Variants in AFAP1 observed in about 807,000 individuals in gnomAD.
AFAP1 encodes the protein actin filament associated protein 1.
AFAP1 carries 75 observed loss-of-function variants against 93.9 expected under a neutral mutation model. That is an observed-to-expected ratio of 0.80 (90% CI 0.66 to 0.97). The LOEUF is 0.97. Among genes scored for constraint, AFAP1 ranks in the 50% least tolerant of loss-of-function variants. AFAP1 has a pLI of 0.00. For missense variants in AFAP1, 1,201 were observed against 1,050.8 expected (o/e 1.14, Z -1.98); for synonymous variants, 517 against 430.7 (o/e 1.20, Z -2.48).
chr4:7,779,335 A>C (rs536798106), intron 13 of AFAP1: 2 of 157,878 alleles, frequency 1.3e-5, no homozygotes, highest in African/African-American at 4.8e-5. Context: ...TCCTACTGGG[A>C]TAAGTGACCG....
intron 9 of AFAP1, among the ~76,000 whole-genome samples, chr4:7,806,233 C>T (rs537674488): frequency 3.3e-5 from 5 of 152,322 alleles, no homozygotes; most frequent in Admixed American, 6.5e-5. Context: ...CAGGGTTAGG[C>T]GGGCGGACCT....
intron 1 of AFAP1, among the ~76,000 whole-genome samples, chr4:7,920,746 G>C (rs951831934): frequency 6.6e-6 from 1 of 152,270 alleles, no homozygotes; most frequent in African/African-American, 2.4e-5. Context: ...TGAAAGGTCT[G>C]AAAAGTCGAA....
chr4:7,876,806 T>C (rs1488164129), intron 1 of AFAP1, among the ~76,000 whole-genome samples: 1 of 152,202 alleles, frequency 6.6e-6, no homozygotes, highest in East Asian at 1.9e-4. Context: ...CAAAAGATTC[T>C]CAAAACACAG....
intron 1 of AFAP1, among the ~76,000 whole-genome samples, chr4:7,930,629 C>CAAGAGCTT (rs1721014672): frequency 6.6e-6 from 1 of 152,174 alleles, no homozygotes; most frequent in African/African-American, 2.4e-5. Flanking sequence ...GGAATTGAAA[C>CAAGAGCTT]CTAAGACCAA....
At chr4:7,812,295 GC>G (rs567494772) in intron 8 of AFAP1, among the ~76,000 whole-genome samples, 3 of 151,558 alleles carry the variant, frequency 2.0e-5, no homozygotes, top group African/African-American at 4.9e-5. Flanking sequence ...AGATAATGTG[GC>G]CCCCCCCAGA....
chr4:7,894,058 C>T (rs1054561037), intron 1 of AFAP1, among the ~76,000 whole-genome samples: 1 of 152,176 alleles, frequency 6.6e-6, no homozygotes, highest in African/African-American at 2.4e-5. Flanking sequence ...TGCACTTGGC[C>T]TCTGGCTGAC....
At chr4:7,846,160 G>T (rs1275046886) in intron 4 of AFAP1, among the ~76,000 whole-genome samples, 2 of 152,228 alleles carry the variant, frequency 1.3e-5, no homozygotes, top group African/African-American at 4.8e-5. Flanking sequence ...GACGTCCGTG[G>T]TTACGCTTGG....
intron 7 of AFAP1, among the ~76,000 whole-genome samples, chr4:7,818,830 G>A (rs1256383367): frequency 2.0e-5 from 3 of 152,200 alleles, no homozygotes; most frequent in African/African-American, 7.2e-5. Context: ...CTTGAACAAG[G>A]CCCTCACACA....
At chr4:7,865,177 C>T (rs1289363102) in intron 3 of AFAP1, among the ~76,000 whole-genome samples, 1 of 152,128 alleles carries the variant, frequency 6.6e-6, no homozygotes, top group East Asian at 1.9e-4. Flanking sequence ...AGCAACACAC[C>T]AAAGAATGTG....
chr4:7,903,693 T>C (rs1210504257), intron 1 of AFAP1, among the ~76,000 whole-genome samples: 2 of 151,734 alleles, frequency 1.3e-5, no homozygotes, highest in Admixed American at 1.3e-4. Context: ...AAATAAAAAA[T>C]AAAAATAAAA....
intron 3 of AFAP1, among the ~76,000 whole-genome samples, chr4:7,866,839 C>G (rs1181032181): frequency 6.7e-6 from 1 of 150,136 alleles, no homozygotes; most frequent in East Asian, 2.0e-4. Context: ...GAGTGCAAGA[C>G]AGCAACACAG....
intron 3 of AFAP1, 111 bp downstream of exon 3, chr4:7,868,511 C>T (rs1716676692): frequency 7.8e-6 from 7 of 898,224 alleles, no homozygotes; most frequent in Non-Finnish European, 1.2e-5. Flanking sequence ...TGCCTCGAGA[C>T]AAATAAGGGC....
chr4:7,779,358 C>T (rs572206633), intron 13 of AFAP1, among the ~76,000 whole-genome samples: 2 of 152,280 alleles, frequency 1.3e-5, no homozygotes, highest in African/African-American at 2.4e-5. Flanking sequence ...TTCTTATCGC[C>T]GACGGAGTCC....
At chr4:7,816,541 C>T (rs1720499595) in intron 7 of AFAP1, among the ~76,000 whole-genome samples, 1 of 152,194 alleles carries the variant, frequency 6.6e-6, no homozygotes, top group African/African-American at 2.4e-5. Context: ...CTGCTTGTAA[C>T]AATACACTCA....
chr4:7,905,908 C>T (rs181551781), intron 1 of AFAP1, among the ~76,000 whole-genome samples: 7 of 152,302 alleles, frequency 4.6e-5, no homozygotes, highest in African/African-American at 9.6e-5. Flanking sequence ...GGCTCCATGC[C>T]GGGAAGAGCA....
At chr4:7,801,444 A>C (rs553515691) in intron 9 of AFAP1, among the ~76,000 whole-genome samples, 1 of 151,970 alleles carries the variant, frequency 6.6e-6, no homozygotes, top group Non-Finnish European at 1.5e-5. Flanking sequence ...AAAAAAAAAA[A>C]CCTCCTCAAA....
In AFAP1 at chr4:7,779,169, C is replaced by T. The variant is rs185342410; in HGVS notation, c.1783-293G>A. 567 of 351,388 alleles carry T rather than the reference C, an allele frequency of 1.6e-3. 2 individuals carry two copies. The highest frequency in any genetic ancestry group is 2.7e-3 in the South Asian group (80 of 29,528). 21.8% of individuals were successfully genotyped at this position (351,388 alleles called of 1,614,324 possible). ...AGACCACAAATGCTAACCAAGCTGG[C>T]GCAGGCAGCTGACTACCCCAGAGCA... On this transcript the variant is annotated intron_variant, in intron 13 of 17. Transcript: ENST00000420658.
At chr4:7,878,268 TG>T (rs1717632061) in intron 1 of AFAP1, among the ~76,000 whole-genome samples, 1 of 152,178 alleles carries the variant, frequency 6.6e-6, no homozygotes, top group Admixed American at 6.5e-5. Context: ...ACGCAGCAGG[TG>T]TAGGACACCC....
At chr4:7,848,084 G>C (rs1020595239) in intron 4 of AFAP1, among the ~76,000 whole-genome samples, 1 of 136,762 alleles carries the variant, frequency 7.3e-6, no homozygotes, top group Non-Finnish European at 1.6e-5. Context: ...TGGACGGAAG[G>C]AGGGAGGGAA....
Sources: allele counts gnomAD v4.1 joint callset (sites outside exome capture counted in the v4.1 genomes callset), GRCh38; gene constraint gnomAD v4.1.1; transcripts MANE v1.5; gene names NCBI Gene and HGNC (gene_info 2026-07-23, HGNC 2026-07-21).